PHKB: variants seen among roughly 807,000 people sequenced by gnomAD.
PHKB encodes the protein phosphorylase b kinase regulatory subunit beta.
PHKB carries 122 observed loss-of-function variants against 152.1 expected under a neutral mutation model. The observed-to-expected ratio is 0.80, with a 90% confidence interval of 0.69 to 0.93. The LOEUF (loss-of-function observed/expected upper bound fraction) is 0.93. Among genes scored for constraint, PHKB ranks in the 40% least tolerant of loss-of-function variants. The probability of loss-of-function intolerance (pLI) is 0.00; values close to 1 mark genes in which losing one functional copy is unlikely to be tolerated. For missense variants in PHKB, 1,304 were observed against 1,328.4 expected, an observed-to-expected ratio of 0.98 and a Z score of 0.29; for synonymous variants, 436 against 464.9, an observed-to-expected ratio of 0.94 and a Z score of 0.80.
intron 6 of PHKB, among the ~76,000 whole-genome samples, chr16:47,520,038 A>G (rs549799279): frequency 5.9e-5 from 9 of 152,048 alleles, no homozygotes; most frequent in Non-Finnish European, 1.2e-4. Flanking sequence ...CCTAGATTCT[A>G]CCTTTTGCTA....
At chr16:47,619,114 T>G (rs1437614545) in intron 14 of PHKB, 1 of 152,182 alleles carries the variant, frequency 6.6e-6, no homozygotes, top group Non-Finnish European at 1.5e-5. Context: ...AGACAAATAT[T>G]ATATCCATTT....
chr16:47,605,753 T>A (rs1329756290), intron 13 of PHKB, among the ~76,000 whole-genome samples: 1 of 152,040 alleles, frequency 6.6e-6, no homozygotes, highest in African/African-American at 2.4e-5. Flanking sequence ...ACATTTGTAA[T>A]ATGCAACCTG....
At chr16:47,651,547 A>G (rs1304700882) in intron 20 of PHKB, among the ~76,000 whole-genome samples, 2 of 152,192 alleles carry the variant, frequency 1.3e-5, no homozygotes, top group Non-Finnish European at 2.9e-5. Context: ...GGGCAGCTCT[A>G]CAAAATCATG....
chr16:47,636,507 C>T (rs948092947), intron 14 of PHKB, among the ~76,000 whole-genome samples: 6 of 152,184 alleles, frequency 3.9e-5, no homozygotes, highest in East Asian at 1.9e-4. Flanking sequence ...GGGAAGCCCC[C>T]GGTCCCCACA....
chr16:47,677,514 G>C (rs921832606), intron 26 of PHKB, among the ~76,000 whole-genome samples: 23 of 152,120 alleles, frequency 1.5e-4, no homozygotes, highest in African/African-American at 5.6e-4. Context: ...CTCTCCTCCT[G>C]GCTTGCAGAT....
At chr16:47,518,695 C>A (rs536926968) in intron 6 of PHKB, among the ~76,000 whole-genome samples, 1 of 152,220 alleles carries the variant, frequency 6.6e-6, no homozygotes, top group African/African-American at 2.4e-5. Flanking sequence ...TTGAAAAAGA[C>A]AAAGTTCTGT....
chr16:47,506,379 A>G (rs370815803), intron 4 of PHKB, among the ~76,000 whole-genome samples: 6 of 152,334 alleles, frequency 3.9e-5, no homozygotes, highest in Middle Eastern at 3.4e-3. Flanking sequence ...AAAAACCTTT[A>G]ATTTGTCTAT....
chr16:47,465,790 A>T (rs896191657), intron 1 of PHKB, among the ~76,000 whole-genome samples: 2 of 152,196 alleles, frequency 1.3e-5, no homozygotes, highest in African/African-American at 4.8e-5. Flanking sequence ...CTCCATTTAT[A>T]TTGGAAATGA....
intron 1 of PHKB, among the ~76,000 whole-genome samples, chr16:47,476,695 C>T (rs896998512): frequency 2.6e-5 from 4 of 152,026 alleles, no homozygotes; most frequent in African/African-American, 7.2e-5. Flanking sequence ...TGAATATTTC[C>T]TCCCTTATGC....
chr16:47,559,932 A>C (rs982275898), intron 7 of PHKB, among the ~76,000 whole-genome samples: 9 of 152,164 alleles, frequency 5.9e-5, no homozygotes, highest in Admixed American at 4.6e-4. Flanking sequence ...TCCAAAAAAA[A>C]CTTTGGACCT....
intron 6 of PHKB, among the ~76,000 whole-genome samples, chr16:47,528,700 T>TTC (rs1555476979): frequency 1.3e-5 from 2 of 150,198 alleles, no homozygotes; most frequent in Admixed American, 6.6e-5. Flanking sequence ...CTTTTTCTTT[T>TTC]TTTTTTTTTT....
intron 24 of PHKB, 57 bp downstream of exon 24, chr16:47,663,791 C>G: frequency 9.8e-7 from 1 of 1,022,142 alleles, no homozygotes; most frequent in Non-Finnish European, 1.6e-6. Flanking sequence ...TATTCGATAG[C>G]CTAAAGAAAA....
intron 6 of PHKB, among the ~76,000 whole-genome samples, chr16:47,521,091 A>G (rs1401932057): frequency 1.3e-5 from 2 of 152,148 alleles, no homozygotes; most frequent in African/African-American, 2.4e-5. Context: ...GATTTTTATA[A>G]ATTGATCTTG....
At position 47,547,493 on chromosome 16, in the gene PHKB, G is replaced by T; in HGVS notation, c.655G>T (p.Gly219Cys). Residue 219 changes from glycine to cysteine, a missense_variant, in exon 7 of 31, where the codon GGT becomes TGT. Gly to Cys is a radical substitution (Grantham distance 159). Transcript: ENST00000323584. Reference protein sequence around the residue: ...VERVYRVPDFGVWERGSKYNN... With the variant: ...VERVYRVPDFCVWERGSKYNN... ...AAGAGTTTACCGTGTGCCTGACTTT[G>T]GTGTCTGGGAAAGAGGAAGCAAATA... 6.2e-7 allele frequency: 1 copy of T among 1,613,120 alleles called. No individual in the cohort carries two copies. Among genetic ancestry groups the T allele is most frequent in the Non-Finnish European group, 8.5e-7 (1 of 1,179,294 alleles).
chr16:47,462,458 A>AC, intron 1 of PHKB: 1 of 152,078 alleles, frequency 6.6e-6, no homozygotes, highest in East Asian at 1.9e-4. Context: ...ACCTGGTAAA[A>AC]CCCCATCTCT....
chr16:47,601,456 A>C (rs1972224520), intron 13 of PHKB, among the ~76,000 whole-genome samples: 1 of 152,182 alleles, frequency 6.6e-6, no homozygotes, highest in African/African-American at 2.4e-5. Flanking sequence ...CTGTAATCCC[A>C]GCACTTTGGA....
At position 47,503,005 on chromosome 16, in the gene PHKB, A is replaced by G. The variant is rs758324636; in HGVS notation, c.320A>G (p.Asp107Gly). 1.9e-5 allele frequency: 31 copies of G among 1,612,230 alleles called. No homozygotes were observed. Among genetic ancestry groups the G allele is most frequent in the Non-Finnish European group, 2.6e-5 (31 of 1,178,346 alleles). The change falls in exon 4 of 31, where the codon GAC (aspartate) becomes GGC (glycine). Residue 107 changes from aspartate (D) to glycine (G), a missense_variant. Coordinates refer to ENST00000323584, the MANE Select transcript of PHKB (RefSeq NM_000293.3). Reference sequence around the variant, plus strand: ...CTCTCACCCAGGCGAATTGATGATGACAAGGGAAGGACCCATGAGCTGGAG... The same window carrying G: ...CTCTCACCCAGGCGAATTGATGATGGCAAGGGAAGGACCCATGAGCTGGAG... ...LALAYRRIDD[D>G]KGRTHELEHS...
At chr16:47,557,594 A>T (rs1456425812) in intron 7 of PHKB, among the ~76,000 whole-genome samples, 1 of 152,240 alleles carries the variant, frequency 6.6e-6, no homozygotes, top group African/African-American at 2.4e-5. Context: ...GACACTTCTC[A>T]AAAGAAGACA....
chr16:47,498,278 CTA>C (rs989961291), intron 2 of PHKB, among the ~76,000 whole-genome samples: 3 of 152,306 alleles, frequency 2.0e-5, no homozygotes, highest in South Asian at 2.1e-4. Context: ...AGAGAACTAA[CTA>C]TATTTTTTTA....
Sources: allele counts gnomAD v4.1 joint callset (sites outside exome capture counted in the v4.1 genomes callset), GRCh38; gene constraint gnomAD v4.1.1; transcripts MANE v1.5; gene names NCBI Gene and HGNC (gene_info 2026-07-23, HGNC 2026-07-21).